SIRPG: variants seen among roughly 807,000 people sequenced by gnomAD.
SIRPG encodes signal regulatory protein gamma, also known as signal-regulatory protein gamma.
In SIRPG, 38 loss-of-function variants were observed where a neutral mutation model predicts 35.7. The ratio of observed to expected loss-of-function variants is 1.06; its 90% CI spans 0.82 to 1.40. The LOEUF (loss-of-function observed/expected upper bound fraction) is 1.40. SIRPG is among the 40% of genes most tolerant of loss of function. The pLI is 0.00. For missense variants in SIRPG, 519 were observed against 483.0 expected (o/e 1.07, Z -0.70); for synonymous variants, 215 against 190.4 (o/e 1.13, Z -1.06).
chr20:1,650,609 CACTATCAAG>C (rs1267976948), intron 1 of SIRPG, among the ~76,000 whole-genome samples: 1 of 151,736 alleles, frequency 6.6e-6, no homozygotes, highest in Non-Finnish European at 1.5e-5. Flanking sequence ...AATTCTGGGA[CACTATCAAG>C]TGGATTGAAA....
intron 1 of SIRPG, among the ~76,000 whole-genome samples, chr20:1,653,886 G>T (rs924623777): frequency 6.6e-6 from 1 of 152,194 alleles, no homozygotes; most frequent in Non-Finnish European, 1.5e-5. Context: ...TGCAAGGATG[G>T]TATAACATTC....
intron 2 of SIRPG, among the ~76,000 whole-genome samples, chr20:1,643,990 A>G (rs2122508205): frequency 6.6e-6 from 1 of 152,298 alleles, no homozygotes; most frequent in Non-Finnish European, 1.5e-5. Context: ...TAATGCCAGT[A>G]GGAGCACTCC....
the SIRPG span, among the ~76,000 whole-genome samples, chr20:1,673,611 T>A: frequency 6.6e-6 from 1 of 150,794 alleles, no homozygotes; most frequent in Non-Finnish European, 1.5e-5. Context: ...CTGCGGCTCA[T>A]GACAAACCCA....
the SIRPG span, among the ~76,000 whole-genome samples, chr20:1,677,720 A>C: frequency 1.3e-5 from 2 of 152,222 alleles, no homozygotes; most frequent in Admixed American, 6.5e-5. Context: ...CAAGAAGAAA[A>C]GTCAAGTATG....
At chr20:1,663,096 G>A in the SIRPG span, among the ~76,000 whole-genome samples, 9 of 151,990 alleles carry the variant, frequency 5.9e-5, 1 homozygote, top group African/African-American at 1.9e-4. Flanking sequence ...GGCGGATCAC[G>A]AGGTCAGGAG....
At chr20:1,672,102 G>A in the SIRPG span, among the ~76,000 whole-genome samples, 10 of 152,134 alleles carry the variant, frequency 6.6e-5, no homozygotes, top group African/African-American at 9.7e-5. Context: ...GAACCAGGCC[G>A]CTCAGCCCAG....
At chr20:1,658,975 A>G (rs974215290), upstream of SIRPG, among the ~76,000 whole-genome samples, 4 of 152,134 alleles carry the variant, frequency 2.6e-5, no homozygotes, top group Non-Finnish European at 4.4e-5. Context: ...CAGCTGTGTG[A>G]TTTTCAAAAA....
chr20:1,660,271 G>A (rs1225176468), upstream of SIRPG, among the ~76,000 whole-genome samples: 1 of 152,130 alleles, frequency 6.6e-6, no homozygotes, highest in Non-Finnish European at 1.5e-5. Context: ...ACATAAATAA[G>A]TATAATAGTA....
chr20:1,666,531 C>G, the SIRPG span: 1 of 152,140 alleles, frequency 6.6e-6, no homozygotes, highest in Non-Finnish European at 1.5e-5. Flanking sequence ...GTGAACCAGC[C>G]CAGGTCAAAA....
Position 1,634,449 on chromosome 20 carries a change from C to T in SIRPG, c.1081+818G>A, listed in dbSNP as rs377561817. ...GTCTCGATCTCCTGACCTCGTGATCCGCCCGCCTCGGCCTCCCAAAGTGCT... is the reference window on the plus strand; with the variant it reads ...GTCTCGATCTCCTGACCTCGTGATCTGCCCGCCTCGGCCTCCCAAAGTGCT... On this transcript the variant is annotated intron_variant, in intron 4 of 5. Transcript: ENST00000303415. Among the ~76,000 whole-genome samples, 562 of 151,548 alleles carry T rather than the reference C, an allele frequency of 3.7e-3. 1 individual carries two copies. The highest frequency in any genetic ancestry group is 0.012 in the African/African-American group (505 of 41,328).
chr20:1,658,739 C>T (rs1344262361), upstream of SIRPG, among the ~76,000 whole-genome samples: 1 of 152,134 alleles, frequency 6.6e-6, no homozygotes, highest in East Asian at 1.9e-4. Flanking sequence ...TTGATACTCA[C>T]GGTGCCAGGT....
At chr20:1,644,371 G>C (rs2091880734) in intron 2 of SIRPG, among the ~76,000 whole-genome samples, 1 of 152,200 alleles carries the variant, frequency 6.6e-6, no homozygotes, top group African/African-American at 2.4e-5. Flanking sequence ...GTGTTGGGCT[G>C]TGGGGGATAC....
chr20:1,671,183 G>A, the SIRPG span: 1 of 287,012 alleles, frequency 3.5e-6, no homozygotes, highest in Non-Finnish European at 7.4e-6. Context: ...GATACCACAG[G>A]GGCAGAGGAT....
At chr20:1,648,947 A>G (rs2091917242) in intron 2 of SIRPG, 105 bp downstream of exon 2, 3 of 1,083,958 alleles carry the variant, frequency 2.8e-6, no homozygotes, top group Non-Finnish European at 1.4e-6. Flanking sequence ...GGTCTTGAAA[A>G]TGAGCACTGA....
At chr20:1,673,334 C>T in the SIRPG span, among the ~76,000 whole-genome samples, 1 of 152,072 alleles carries the variant, frequency 6.6e-6, no homozygotes, top group African/African-American at 2.4e-5. Flanking sequence ...GTGAGGGGGT[C>T]CTAATGTGAG....
the SIRPG span, among the ~76,000 whole-genome samples, chr20:1,668,004 C>T: frequency 6.6e-6 from 1 of 152,172 alleles, no homozygotes; most frequent in Non-Finnish European, 1.5e-5. Flanking sequence ...TGACACATTA[C>T]TCAGGATGTA....
intron 2 of SIRPG, among the ~76,000 whole-genome samples, chr20:1,644,197 C>T (rs186857213): frequency 5.3e-4 from 81 of 152,328 alleles, no homozygotes; most frequent in African/African-American, 1.8e-3. Flanking sequence ...CAGACTAAGA[C>T]AGTGGCCACC....
At chr20:1,684,606 G>A in the SIRPG span, among the ~76,000 whole-genome samples, 3 of 152,202 alleles carry the variant, frequency 2.0e-5, no homozygotes, top group African/African-American at 7.2e-5. Flanking sequence ...TTAACTCTGA[G>A]TGTCACTTCT....
At chr20:1,656,856 C>T (rs763736269) in intron 1 of SIRPG, among the ~76,000 whole-genome samples, 3 of 152,132 alleles carry the variant, frequency 2.0e-5, no homozygotes, top group Non-Finnish European at 4.4e-5. Context: ...GGTCTTTAAC[C>T]CATTTATGCC....
Sources: allele counts gnomAD v4.1 joint callset (sites outside exome capture counted in the v4.1 genomes callset), GRCh38; gene constraint gnomAD v4.1.1; transcripts MANE v1.5; gene names NCBI Gene and HGNC (gene_info 2026-07-23, HGNC 2026-07-21).